Variants in ARHGAP15 observed in about 807,000 individuals in gnomAD.
The protein encoded by ARHGAP15 is Rho GTPase activating protein 15.
A neutral mutation model predicts 63.7 loss-of-function variants in ARHGAP15; 51 were observed. That is an observed-to-expected ratio of 0.80 (90% confidence interval 0.64 to 1.01). The LOEUF (loss-of-function observed/expected upper bound fraction) is 1.01, where lower values mean the gene tolerates loss of function less well. Ranked by LOEUF, ARHGAP15 falls within the 50% of genes least tolerant of loss-of-function variation. The probability of loss-of-function intolerance (pLI) is 0.00; values close to 1 mark genes in which losing one functional copy is unlikely to be tolerated. For missense variants in ARHGAP15, 560 were observed against 564.6 expected (o/e 0.99, Z 0.08); for synonymous variants, 191 against 193.8 (o/e 0.99, Z 0.12).
intron 12 of ARHGAP15, among the ~76,000 whole-genome samples, chr2:143,649,943 T>G (rs1017387587): frequency 1.3e-5 from 2 of 151,952 alleles, no homozygotes; most frequent in African/African-American, 4.8e-5. Flanking sequence ...CCAGAGTAAG[T>G]GAAGAATAAC....
intron 2 of ARHGAP15, among the ~76,000 whole-genome samples, chr2:143,178,125 GCTTT>G (rs1418462883): frequency 2.6e-5 from 4 of 152,278 alleles, no homozygotes; most frequent in African/African-American, 9.6e-5. Flanking sequence ...CGAAGCCTCT[GCTTT>G]CTGAGTACAG....
At chr2:143,453,082 ACT>A (rs1486011482) in intron 8 of ARHGAP15, among the ~76,000 whole-genome samples, 1 of 150,746 alleles carries the variant, frequency 6.6e-6, no homozygotes, top group African/African-American at 2.5e-5. Flanking sequence ...ACTTTAATCT[ACT>A]CTCATTGAAT....
At chr2:143,203,771 T>A (rs1375134069) in intron 3 of ARHGAP15, among the ~76,000 whole-genome samples, 1 of 152,102 alleles carries the variant, frequency 6.6e-6, no homozygotes, top group Non-Finnish European at 1.5e-5. Context: ...TTTTTATTTT[T>A]TCTGTCTGTA....
chr2:143,147,235 T>C (rs572523048), intron 1 of ARHGAP15, among the ~76,000 whole-genome samples: 83 of 152,060 alleles, frequency 5.5e-4, no homozygotes, highest in Non-Finnish European at 1.1e-3. Flanking sequence ...GTTTCCCCAG[T>C]GTTTTCTAAC....
At chr2:143,405,995 T>C (rs1212189247) in intron 6 of ARHGAP15, among the ~76,000 whole-genome samples, 1 of 152,008 alleles carries the variant, frequency 6.6e-6, no homozygotes, top group Non-Finnish European at 1.5e-5. Flanking sequence ...TATCTACTTG[T>C]AAATTCAGGT....
intron 11 of ARHGAP15, among the ~76,000 whole-genome samples, chr2:143,584,862 A>G (rs1697049938): frequency 1.3e-5 from 2 of 152,178 alleles, no homozygotes; most frequent in African/African-American, 2.4e-5. Flanking sequence ...AAAATAAAGT[A>G]TGGTCACATC....
chr2:143,362,520 T>A (rs188224906), intron 6 of ARHGAP15, among the ~76,000 whole-genome samples: 421 of 152,372 alleles, frequency 2.8e-3, no homozygotes, highest in African/African-American at 9.5e-3. Context: ...ATAGTCTAGA[T>A]GATTTTATTC....
At chr2:143,358,341 G>T (rs556938443) in intron 6 of ARHGAP15, among the ~76,000 whole-genome samples, 1 of 152,240 alleles carries the variant, frequency 6.6e-6, no homozygotes, top group African/African-American at 2.4e-5. Context: ...CAAGTTATCT[G>T]TCTTGTCCCT....
At chr2:143,372,029 A>C (rs1363008445) in intron 6 of ARHGAP15, among the ~76,000 whole-genome samples, 6 of 151,710 alleles carry the variant, frequency 4.0e-5, no homozygotes, top group African/African-American at 1.5e-4. Context: ...TAAATAAATA[A>C]ATAAATAAAT....
chr2:143,316,306 G>A (rs1683705623), intron 6 of ARHGAP15, among the ~76,000 whole-genome samples: 1 of 151,606 alleles, frequency 6.6e-6, no homozygotes, highest in East Asian at 1.9e-4. Context: ...TAGAAATGCA[G>A]AATTTCAGGC....
At chr2:143,191,918 A>G (rs1406582165) in intron 2 of ARHGAP15, among the ~76,000 whole-genome samples, 1 of 152,170 alleles carries the variant, frequency 6.6e-6, no homozygotes, top group Non-Finnish European at 1.5e-5. Context: ...TTTTTGACAG[A>G]AAAAAATGGC....
In ARHGAP15 at chr2:143,216,426, G is replaced by A; in HGVS notation, c.277G>A (p.Asp93Asn). ...TTATCTGCAAAAAGCTAAAATTGCA[G>A]ATGGAGGAAAGAAACTAAGGTAATA... Reference protein sequence around the residue: ...EGYLQKAKIADGGKKLRKNWS... With the variant: ...EGYLQKAKIANGGKKLRKNWS... The change falls in exon 4 of 14, where the codon GAT becomes AAT. Residue 93 changes from aspartate (D) to asparagine (N), a missense_variant. Coordinates refer to ENST00000295095, the MANE Select transcript of ARHGAP15 (RefSeq NM_018460.4). 1.2e-6 allele frequency: 2 copies of A among 1,610,014 alleles called. No homozygotes were observed. Among genetic ancestry groups the A allele is most frequent in the Non-Finnish European group, 1.7e-6 (2 of 1,178,054 alleles).
At chr2:143,471,191 T>C (rs937206114) in intron 8 of ARHGAP15, among the ~76,000 whole-genome samples, 2 of 141,500 alleles carry the variant, frequency 1.4e-5, no homozygotes, top group Non-Finnish European at 1.6e-5. Context: ...TGTGTATATA[T>C]ACACACATAT....
At chr2:143,464,652 A>C (rs1691116883) in intron 8 of ARHGAP15, among the ~76,000 whole-genome samples, 1 of 152,208 alleles carries the variant, frequency 6.6e-6, no homozygotes, top group African/African-American at 2.4e-5. Flanking sequence ...TGATGTAATC[A>C]AGCCGTTTTG....
chr2:143,242,816 CA>C (rs1312061670), intron 5 of ARHGAP15, among the ~76,000 whole-genome samples: 1 of 152,092 alleles, frequency 6.6e-6, no homozygotes, highest in Non-Finnish European at 1.5e-5. Context: ...TCATTTTGCC[CA>C]AATGAGAATA....
At position 143,141,004 on chromosome 2, in the gene ARHGAP15, A is replaced by T. The variant is rs560105649; in HGVS notation, c.-15+11538A>T. ...GGGTGGGAAACCAGCTTGACAAAAAACCTGGAGACCAGTCAGCATGGCAGA... is the reference window on the plus strand; with the variant it reads ...GGGTGGGAAACCAGCTTGACAAAAATCCTGGAGACCAGTCAGCATGGCAGA... On this transcript the variant is annotated intron_variant, in intron 1 of 13. Transcript: ENST00000295095. Among the ~76,000 whole-genome samples the T allele has an allele frequency of 3.9e-5, 6 of 152,270 alleles. No individual in the cohort carries two copies. In the South Asian group the frequency reaches 1.2e-3, roughly 32 times the overall value.
At chr2:143,295,909 C>G (rs2105134068) in intron 6 of ARHGAP15, among the ~76,000 whole-genome samples, 1 of 151,986 alleles carries the variant, frequency 6.6e-6, no homozygotes, top group South Asian at 2.1e-4. Flanking sequence ...GGAGGGATTT[C>G]CAAACAAATG....
At chr2:143,172,840 A>G (rs1690847324) in intron 2 of ARHGAP15, among the ~76,000 whole-genome samples, 1 of 152,118 alleles carries the variant, frequency 6.6e-6, no homozygotes. Context: ...CAGAGAATAG[A>G]TATGCCTTGG....
At chr2:143,722,157 A>C (rs1201249699) in intron 13 of ARHGAP15, among the ~76,000 whole-genome samples, 1 of 151,946 alleles carries the variant, frequency 6.6e-6, no homozygotes, top group African/African-American at 2.4e-5. Flanking sequence ...AATTCACTTT[A>C]GATACTTGAA....
Sources: allele counts gnomAD v4.1 joint callset (sites outside exome capture counted in the v4.1 genomes callset), GRCh38; gene constraint gnomAD v4.1.1; transcripts MANE v1.5; gene names NCBI Gene and HGNC (gene_info 2026-07-23, HGNC 2026-07-21).